The following ACOT2 variants were observed in gnomAD, a reference collection of about 807,000 sequenced individuals.
ACOT2 encodes acyl-coenzyme A thioesterase 2, mitochondrial.
ACOT2 carries 15 observed loss-of-function variants against 20.1 expected under a neutral mutation model. The ratio of observed to expected loss-of-function variants is 0.75; its 90% CI spans 0.50 to 1.15. The LOEUF (loss-of-function observed/expected upper bound fraction) is 1.15. Among genes scored for constraint, ACOT2 ranks in the 50% most tolerant of loss-of-function variants. ACOT2 has a pLI of 0.00. For synonymous variants in ACOT2, 252 were observed against 268.4 expected (o/e 0.94, Z 0.60); for missense variants, 479 against 615.3 (o/e 0.78, Z 2.34).
Position 73,573,565 on chromosome 14 carries a change from T to C in ACOT2, c.821T>C (p.Met274Thr). ...CATCTGGAGTACTTTGAAGAAGCCATGAACTACTTGCTCAGTCATCCCGAG... is the reference window on the plus strand; with the variant it reads ...CATCTGGAGTACTTTGAAGAAGCCACGAACTACTTGCTCAGTCATCCCGAG... ...TLHLEYFEEAMNYLLSHPEVK... is the reference protein window; with the variant it reads ...TLHLEYFEEATNYLLSHPEVK... Residue 274 changes from methionine to threonine, a missense_variant, in exon 2 of 3, where the codon ATG becomes ACG. Physicochemically the swap from Met to Thr is moderately conservative, Grantham distance 81. Transcript: ENST00000238651. 2 of 1,613,782 alleles carry C rather than the reference T, an allele frequency of 1.2e-6. No individual in the cohort carries two copies. The highest frequency in any genetic ancestry group is 1.1e-5 in the South Asian group (1 of 91,048).
In ACOT2 at chr14:73,569,625, G is replaced by T; in HGVS notation, c.385G>T (p.Ala129Ser). 6.2e-7 allele frequency: 1 copy of T among 1,601,008 alleles called. No individual in the cohort carries two copies. The highest frequency in any genetic ancestry group is 1.3e-5 in the African/African-American group (1 of 74,466). Reference sequence around the variant, plus strand: ...CGAGCTGGACCTGGAGCGCGCGCCCGCGCTGGGCGGCAGCTTCGCGGGGCT... The same window carrying T: ...CGAGCTGGACCTGGAGCGCGCGCCCTCGCTGGGCGGCAGCTTCGCGGGGCT... Reference protein sequence around the residue: ...LGELDLERAPALGGSFAGLEP... With the variant: ...LGELDLERAPSLGGSFAGLEP... The change falls in exon 1 of 3, where the codon GCG (alanine) becomes TCG (serine). Residue 129 changes from alanine to serine, a missense_variant. Physicochemically the swap from Ala to Ser is moderately conservative, Grantham distance 99. This residue lies in a region of ACOT2 where 400 missense variants were observed against 395.5 expected (regional missense o/e 1.01). Transcript: ENST00000238651.
intron 2 of ACOT2, 70 bp from the exon 3 acceptor site, chr14:73,574,838 T>C (rs1437971686): frequency 1.2e-6 from 2 of 1,607,974 alleles, no homozygotes; most frequent in South Asian, 1.1e-5. Flanking sequence ...ACTTCCAGGG[T>C]GGACACAACT....
intron 2 of ACOT2, among the ~76,000 whole-genome samples, 162 bp downstream of exon 2, chr14:73,573,752 G>C (rs906412413): frequency 3.3e-5 from 5 of 150,648 alleles, no homozygotes; most frequent in Non-Finnish European, 7.4e-5. Context: ...TTTTGAGATG[G>C]AGTCTCACTC....
At position 73,573,331 on chromosome 14, in the gene ACOT2, C is replaced by A; in HGVS notation, c.644-57C>A. The A allele has an allele frequency of 3.1e-6, 5 of 1,610,074 alleles. 1 individual carries two copies. The highest frequency in any genetic ancestry group is 4.3e-6 in the Non-Finnish European group (5 of 1,176,398). On this transcript the variant is annotated intron_variant, in intron 1 of 2. Coordinates refer to ENST00000238651, the MANE Select transcript of ACOT2 (RefSeq NM_006821.6). ...GTGGTAAGTATATGTTTAACTTAAACCATCCAACTGTTTCAGGAATAGCTT... is the reference window on the plus strand; with the variant it reads ...GTGGTAAGTATATGTTTAACTTAAAACATCCAACTGTTTCAGGAATAGCTT...
At chr14:73,573,281 G>A in intron 1 of ACOT2, 107 bp from the exon 2 acceptor site, 2 of 1,502,320 alleles carry the variant, frequency 1.3e-6, no homozygotes, top group Non-Finnish European at 1.9e-6. Flanking sequence ...TAGATACCTA[G>A]GAGTGGGATT....
chr14:73,570,884 G>A (rs562930337), intron 1 of ACOT2, among the ~76,000 whole-genome samples: 20 of 143,994 alleles, frequency 1.4e-4, no homozygotes, highest in African/African-American at 5.2e-4. Context: ...CAGCCTGGGG[G>A]ACAAGAGTGA....
At position 73,575,586 on chromosome 14, in the gene ACOT2, G is replaced by T. The variant is rs1889865380; in HGVS notation, c.*73G>T. 4 of 1,559,212 alleles carry T rather than the reference G, an allele frequency of 2.6e-6. No homozygotes were observed. The East Asian group carries it at 9.0e-5, about 35-fold the overall frequency. On this transcript the variant is annotated 3_prime_UTR_variant, in exon 3 of 3. Coordinates refer to ENST00000238651, the MANE Select transcript of ACOT2 (RefSeq NM_006821.6). ...CATCTGCCACATTTAGTGTGTGTAT[G>T]TGTATTCATTCTTTTGTTTTTAATA... is the stretch of plus-strand genomic sequence containing the variant.
intron 1 of ACOT2, among the ~76,000 whole-genome samples, 163 bp from the exon 2 acceptor site, chr14:73,573,225 C>A (rs376836982): frequency 6.6e-6 from 1 of 151,958 alleles, no homozygotes; most frequent in South Asian, 2.1e-4. Flanking sequence ...TCACTATAAA[C>A]ACTTGCCAGA....
At chr14:73,568,363 A>C (rs1489294213), upstream of ACOT2, among the ~76,000 whole-genome samples, 4 of 151,428 alleles carry the variant, frequency 2.6e-5, no homozygotes, top group East Asian at 1.9e-4. Context: ...AAAAAAAAAA[A>C]CACCACACCT....
In ACOT2 at chr14:73,572,652, T is replaced by C. The variant is rs1193865271; in HGVS notation, c.644-736T>C. On this transcript the variant is annotated intron_variant, in intron 1 of 2. Transcript: ENST00000238651. Reference sequence around the variant, plus strand: ...TAAGGTGTTTGCATTTTTTTTTTTTTTTTTTTTTTTTTTGAGACAGTGTCT... The same window carrying C: ...TAAGGTGTTTGCATTTTTTTTTTTTCTTTTTTTTTTTTTGAGACAGTGTCT... Among the ~76,000 whole-genome samples, 41 of 132,434 alleles carry C rather than the reference T, an allele frequency of 3.1e-4. 1 individual carries two copies. Among genetic ancestry groups the C allele is most frequent in the East Asian group, 6.7e-4 (3 of 4,458 alleles). The allele number at this position is 132,434 out of a possible 152,430, so 86.9% of individuals were successfully genotyped here.
upstream of ACOT2, chr14:73,568,050 C>T (rs1889636171): frequency 6.6e-6 from 1 of 152,238 alleles, no homozygotes; most frequent in African/African-American, 2.4e-5. Flanking sequence ...CAGAAGGAAC[C>T]AATTCCAGAC....
chr14:73,568,525 G>A (rs1889644177), upstream of ACOT2, among the ~76,000 whole-genome samples: 1 of 151,732 alleles, frequency 6.6e-6, no homozygotes, highest in African/African-American at 2.4e-5. Flanking sequence ...GTAAACTGCC[G>A]CTGTACTCCA....
intron 2 of ACOT2, 127 bp downstream of exon 2, chr14:73,573,717 G>T (rs1433014221): frequency 1.2e-5 from 14 of 1,150,224 alleles, no homozygotes; most frequent in Non-Finnish European, 1.4e-5. Flanking sequence ...ACCTTTTTTA[G>T]TCACTTCTTA....
chr14:73,573,151 T>A (rs1400247481), intron 1 of ACOT2, among the ~76,000 whole-genome samples: 8 of 151,896 alleles, frequency 5.3e-5, no homozygotes, highest in Non-Finnish European at 1.2e-4. Context: ...CACCATTAAA[T>A]GGATTCATTC....
chr14:73,570,503 A>C (rs1290662850), intron 1 of ACOT2, among the ~76,000 whole-genome samples: 1 of 151,922 alleles, frequency 6.6e-6, no homozygotes, highest in African/African-American at 2.4e-5. Context: ...CGGGAGGCAG[A>C]GTTTGTAGTG....
rs536984683 is a variant in ACOT2 at position 73,570,688 on chromosome 14, T to G, written c.643+805T>G. The stretch of plus-strand genomic sequence containing the variant: ...GGGAGGCCGAGGCCGGCGGATCACC[T>G]GAGGTCAGGAGTTCGAGACCAGCCT... On this transcript the variant is annotated intron_variant, in intron 1 of 2. Coordinates refer to ENST00000238651, the MANE Select transcript of ACOT2 (RefSeq NM_006821.6). Among the ~76,000 whole-genome samples, 118 of 152,140 alleles carry G rather than the reference T, an allele frequency of 7.8e-4. 2 individuals carry two copies. Among genetic ancestry groups the G allele is most frequent in the Non-Finnish European group, 9.9e-4 (67 of 67,934 alleles).
chr14:73,570,898 T>C (rs934375132), intron 1 of ACOT2, among the ~76,000 whole-genome samples: 4 of 87,198 alleles, frequency 4.6e-5, no homozygotes, highest in Admixed American at 1.4e-4. Context: ...AGAGTGACTC[T>C]ATCTTAAAAA....
At chr14:73,569,126 T>C (rs1447046898), upstream of ACOT2, 1 of 1,243,986 alleles carries the variant, frequency 8.0e-7, no homozygotes, top group African/African-American at 1.5e-5. Context: ...TTTAAGCAAG[T>C]TCCAGTGTGT....
intron 1 of ACOT2, among the ~76,000 whole-genome samples, chr14:73,570,086 C>A (rs1889693176): frequency 6.6e-6 from 1 of 150,904 alleles, no homozygotes; most frequent in Non-Finnish European, 1.5e-5. Flanking sequence ...AGCCACCGCG[C>A]CCGGCACTTT....
Sources: allele counts gnomAD v4.1 joint callset (sites outside exome capture counted in the v4.1 genomes callset), GRCh38; gene constraint gnomAD v4.1.1; regional missense constraint gnomAD v4.1.1; transcripts MANE v1.5; gene names NCBI Gene and HGNC (gene_info 2026-07-23, HGNC 2026-07-21).